Variants in MLIP observed in about 807,000 individuals in gnomAD.
MLIP encodes the protein muscular LMNA-interacting protein.
A neutral mutation model predicts 84.8 loss-of-function variants in MLIP; 79 were observed. That is an observed-to-expected ratio of 0.93 (90% CI 0.78 to 1.12). The LOEUF (loss-of-function observed/expected upper bound fraction) is 1.12. Ranked by LOEUF, MLIP falls within the 50% of genes most tolerant of loss-of-function variation. MLIP has a pLI of 0.00. For missense variants in MLIP, 1,257 were observed against 1,160.6 expected (o/e 1.08, Z -1.21); for synonymous variants, 504 against 463.0 (o/e 1.09, Z -1.14).
chr6:54,177,464 A>G (rs1306385312), intron 9 of MLIP, among the ~76,000 whole-genome samples: 1 of 152,242 alleles, frequency 6.6e-6, no homozygotes, highest in Non-Finnish European at 1.5e-5. Flanking sequence ...ACAGATCATT[A>G]GAGAAACACA....
chr6:54,044,710 T>C (rs1764936210), intron 1 of MLIP, among the ~76,000 whole-genome samples: 1 of 151,576 alleles, frequency 6.6e-6, no homozygotes, highest in Non-Finnish European at 1.5e-5. Flanking sequence ...CATTACCTAA[T>C]TTACTTCCAC....
At chr6:54,059,099 G>A (rs1765819120) in intron 1 of MLIP, 2 of 152,212 alleles carry the variant, frequency 1.3e-5, no homozygotes, top group South Asian at 4.1e-4. Context: ...CAAAGAGATA[G>A]AGGGAGAGAT....
intron 4 of MLIP, among the ~76,000 whole-genome samples, chr6:54,146,853 G>A (rs930325411): frequency 2.0e-5 from 3 of 152,190 alleles, no homozygotes; most frequent in Admixed American, 6.5e-5. Context: ...AAGGGCATTT[G>A]TAGATATGTG....
At chr6:54,163,934 C>T (rs193178277) in intron 8 of MLIP, among the ~76,000 whole-genome samples, 227 of 151,914 alleles carry the variant, frequency 1.5e-3, no homozygotes, top group African/African-American at 4.9e-3. Context: ...AGTTTTGCTG[C>T]GAATAAAATT....
At chr6:54,174,965 A>G (rs565177274) in intron 9 of MLIP, among the ~76,000 whole-genome samples, 6 of 151,942 alleles carry the variant, frequency 3.9e-5, no homozygotes, top group Non-Finnish European at 7.4e-5. Context: ...TCTTTTGCAT[A>G]TGGACACCCA....
chr6:54,165,994 A>C (rs1775141692), intron 8 of MLIP, among the ~76,000 whole-genome samples: 1 of 151,854 alleles, frequency 6.6e-6, no homozygotes, highest in Non-Finnish European at 1.5e-5. Context: ...CAGACACCAA[A>C]TCTGCTAGTG....
chr6:54,034,241 A>C lies in MLIP; in HGVS notation c.63+15150A>C, dbSNP rs115430677. On this transcript the variant is annotated intron_variant, in intron 1 of 12. Transcript: ENST00000274897. ...TTTCAGATTTCTATGTTAGTGTGTA[A>C]ACCTAGGATACATGAAACCCCTGAT... Among the ~76,000 whole-genome samples, 628 of 152,320 alleles carry C rather than the reference A, an allele frequency of 4.1e-3. 5 individuals are homozygous for C. The highest frequency in any genetic ancestry group is 0.014 in the African/African-American group (591 of 41,578).
chr6:54,058,590 G>C (rs1462405068), intron 1 of MLIP, among the ~76,000 whole-genome samples: 1 of 152,192 alleles, frequency 6.6e-6, no homozygotes, highest in Non-Finnish European at 1.5e-5. Flanking sequence ...GTTATAAAAG[G>C]GAGGTAAACA....
chr6:54,117,774 G>A (rs1294461442), intron 1 of MLIP, among the ~76,000 whole-genome samples: 1 of 151,450 alleles, frequency 6.6e-6, no homozygotes, highest in South Asian at 2.1e-4. Flanking sequence ...GTGAAACCCC[G>A]TCTCTACTAA....
chr6:54,045,077 G>C lies in MLIP; in HGVS notation c.63+25986G>C, dbSNP rs916790657. 7.9e-5 allele frequency among the ~76,000 whole-genome samples: 12 copies of C among 151,952 alleles called. 2 individuals are homozygous for C. The highest frequency in any genetic ancestry group is 2.9e-4 in the African/African-American group (12 of 41,446). On this transcript the variant is annotated intron_variant, in intron 1 of 12. Transcript: ENST00000274897. ...AATTCATGAGGAATGGGCCCGGCAC[G>C]GTAGCTCATGCCTGAAATCCCAGCA...
chr6:54,247,819 G>A (rs1462604842), intron 12 of MLIP, among the ~76,000 whole-genome samples: 3 of 152,050 alleles, frequency 2.0e-5, no homozygotes, highest in African/African-American at 7.2e-5. Flanking sequence ...GATGCTCTTG[G>A]GGGTGTACTG....
At position 54,137,875 on chromosome 6, in the gene MLIP, T is replaced by A. The variant is rs1284434255; in HGVS notation, c.1806T>A (p.Ala602=). 6.5e-7 allele frequency: 1 copy of A among 1,536,146 alleles called. No individual in the cohort carries two copies. The highest frequency in any genetic ancestry group is 2.0e-5 in the Admixed American group (1 of 50,996). The part of the protein sequence containing the change: ...SSLSPPINQR[A]TFSSSEKCFH... Reference sequence around the variant, plus strand: ...TATCTCCTCCTATTAATCAAAGAGCTACGTTCTCTTCTTCAGAGAAATGTT... The same window carrying A: ...TATCTCCTCCTATTAATCAAAGAGCAACGTTCTCTTCTTCAGAGAAATGTT... Residue 602 remains alanine, a synonymous_variant, in exon 4 of 14, where the codon GCT becomes GCA. Coordinates refer to ENST00000502396, the MANE Select transcript of MLIP (RefSeq NM_001281747.2).
intron 1 of MLIP, among the ~76,000 whole-genome samples, chr6:54,036,829 G>T (rs185705138): frequency 1.2e-3 from 183 of 152,100 alleles, no homozygotes; most frequent in African/African-American, 4.3e-3. Context: ...GATATGGAAG[G>T]TTCCAGGCTG....
intron 1 of MLIP, among the ~76,000 whole-genome samples, chr6:54,022,816 AAT>A (rs1763570629): frequency 2.0e-5 from 3 of 152,190 alleles, no homozygotes; most frequent in African/African-American, 4.8e-5. Context: ...GTATTAACAT[AAT>A]ATGTCTCAAG....
chr6:54,232,961 T>C (rs1418757629), intron 12 of MLIP, among the ~76,000 whole-genome samples: 1 of 152,170 alleles, frequency 6.6e-6, no homozygotes, highest in Non-Finnish European at 1.5e-5. Context: ...TGTGCACTCT[T>C]CTCTTCTAAG....
intron 1 of MLIP, among the ~76,000 whole-genome samples, chr6:54,063,748 G>GTT (rs1410613888): frequency 6.6e-6 from 1 of 151,672 alleles, no homozygotes; most frequent in Non-Finnish European, 1.5e-5. Flanking sequence ...GTGTGTGTGT[G>GTT]TGTGTGTGGT....
rs1185848328 is a variant in MLIP, at chr6:54,137,160, T to A, written c.1091T>A (p.Ile364Lys). The change falls in exon 4 of 14, where the codon ATA (isoleucine) becomes AAA (lysine). Residue 364 changes from isoleucine to lysine, a missense_variant. Coordinates refer to ENST00000502396, the MANE Select transcript of MLIP (RefSeq NM_001281747.2). ...ASLKSNSASY[I>K]PVRIVTHSLS... ...CTGAAGTCGAATTCGGCCTCGTACA[T>A]ACCAGTCCGCATTGTCACGCATTCA... is the stretch of plus-strand genomic sequence containing the variant. 6.5e-7 allele frequency: 1 copy of A among 1,536,078 alleles called. No individual in the cohort carries two copies. Among genetic ancestry groups the A allele is most frequent in the Admixed American group, 2.0e-5 (1 of 50,992 alleles).
At chr6:54,245,830 A>C (rs753374897) in intron 12 of MLIP, among the ~76,000 whole-genome samples, 32 of 152,204 alleles carry the variant, frequency 2.1e-4, no homozygotes, top group South Asian at 4.1e-4. Flanking sequence ...CCATGCAACA[A>C]AATCTATTTT....
intron 1 of MLIP, among the ~76,000 whole-genome samples, chr6:54,094,299 C>T (rs1483253787): frequency 1.3e-5 from 2 of 151,224 alleles, no homozygotes; most frequent in Non-Finnish European, 1.5e-5. Flanking sequence ...AAAAATGAAG[C>T]TCTACATATT....
Sources: gnomAD v4.1 joint callset for allele counts (sites outside exome capture counted in the v4.1 genomes callset) on GRCh38, gnomAD v4.1.1 for gene constraint, MANE v1.5 for transcripts, NCBI Gene and HGNC (gene_info 2026-07-23, HGNC 2026-07-21) for gene names.